The following NEURL4 variants were observed in gnomAD, a reference collection of about 807,000 sequenced individuals.
NEURL4 encodes the protein neuralized-like protein 4.
NEURL4 carries 45 observed loss-of-function variants against 148.0 expected under a neutral mutation model. The ratio of observed to expected loss-of-function variants is 0.30; its 90% CI spans 0.24 to 0.39. The LOEUF (loss-of-function observed/expected upper bound fraction) is 0.39, where lower values mean the gene tolerates loss of function less well. Among genes scored for constraint, NEURL4 ranks in the 10% least tolerant of loss-of-function variants. NEURL4 has a pLI of 1.00. For synonymous variants in NEURL4, 854 were observed against 869.0 expected (o/e 0.98, Z 0.30); for missense variants, 1,776 against 2,144.0 (o/e 0.83, Z 3.39).
rs1163586265 is a variant in NEURL4 at position 7,329,228 on chromosome 17, C to T, written c.85G>A (p.Gly29Ser). The T allele has an allele frequency of 6.6e-7, 1 of 1,520,674 alleles. No individual in the cohort carries two copies. Among genetic ancestry groups the T allele is most frequent in the African/African-American group, 1.4e-5 (1 of 70,634 alleles). The allele number at this position is 1,520,674 out of a possible 1,614,324, so 94.2% of individuals were successfully genotyped here. ...PGGGGGPSGS[G>S]SGPGSNGGLG... ...CCCCCGTTGGACCCCGGTCCTGAGC[C>T]GCTCCCGCTGGGGCCCCCACCCCCG... Residue 29 changes from glycine (G) to serine (S), a missense_variant, in exon 1 of 29, where the codon GGC becomes AGC. Coordinates refer to ENST00000399464, the MANE Select transcript of NEURL4 (RefSeq NM_032442.3).
Position 7,317,535 on chromosome 17 carries a change from T to G in NEURL4, c.4244A>C (p.Lys1415Thr), listed in dbSNP as rs1342416227. 2 of 1,614,180 alleles carry G rather than the reference T, an allele frequency of 1.2e-6. No homozygotes were observed. Among genetic ancestry groups the G allele is most frequent in the South Asian group, 2.2e-5 (2 of 91,086 alleles). Residue 1415 changes from lysine to threonine, a missense_variant, in exon 27 of 29, where the codon AAG (lysine) becomes ACG (threonine). By Grantham distance (78) the Lys-to-Thr change is moderately conservative (BLOSUM62 -1). Transcript: ENST00000399464. ...PRLEAGTLTKKWHMAYHGSNV... is the reference protein window; with the variant it reads ...PRLEAGTLTKTWHMAYHGSNV... ...GCTCCCGTGATATGCCATGTGCCACTTCTTGGTTAGTGTCCCAGCCTCCAG... is the reference window on the plus strand; with the variant it reads ...GCTCCCGTGATATGCCATGTGCCACGTCTTGGTTAGTGTCCCAGCCTCCAG...
Position 7,326,900 on chromosome 17 carries a change from C to T in NEURL4, c.903G>A (p.Leu301=). 2 of 1,614,054 alleles carry T rather than the reference C, an allele frequency of 1.2e-6. No homozygotes were observed. The highest frequency in any genetic ancestry group is 8.5e-7 in the Non-Finnish European group (1 of 1,180,016). The change falls in exon 4 of 29, where the codon CTG becomes CTA. Residue 301 remains leucine, a synonymous_variant. Coordinates refer to ENST00000399464, the MANE Select transcript of NEURL4 (RefSeq NM_032442.3). This position sits in a 1 kb window ranked among gnomAD's most constrained non-coding sequence, Gnocchi z 6.0. The part of the protein sequence containing the change: ...NLSSPPAGEG[L]GSSGAATSPI... ...GCGAGGTGGCAGCACCGCTAGATCC[C>T]AGGCCTTCCCCTGCCGGTGGGGAGC...
Position 7,326,911 on chromosome 17 carries a change from C to T in NEURL4, c.892G>A (p.Gly298Arg), listed in dbSNP as rs2143013477. The change falls in exon 4 of 29, where the codon GGG (glycine) becomes AGG (arginine). Residue 298 changes from glycine to arginine, a missense_variant. Physicochemically the swap from Gly to Arg is moderately radical, Grantham distance 125 (BLOSUM62 -2). Transcript: ENST00000399464. The surrounding 1 kb of genome is among the most constrained non-coding windows in gnomAD (Gnocchi z 6.0). ...LNVNLSSPPA[G>R]EGLGSSGAAT... is the part of the protein sequence containing the mutation. ...GCACCGCTAGATCCCAGGCCTTCCCCTGCCGGTGGGGAGCTCAGGTTCACA... is the reference window on the plus strand; with the variant it reads ...GCACCGCTAGATCCCAGGCCTTCCCTTGCCGGTGGGGAGCTCAGGTTCACA... The T allele has an allele frequency of 2.5e-6, 4 of 1,614,000 alleles. No homozygotes were observed. Among genetic ancestry groups the T allele is most frequent in the South Asian group, 2.2e-5 (2 of 91,082 alleles).
In NEURL4 at chr17:7,329,234, C is replaced by T. The variant is rs922303902; in HGVS notation, c.79G>A (p.Gly27Arg). 4.0e-6 allele frequency: 6 copies of T among 1,511,530 alleles called. No individual in the cohort carries two copies. The South Asian group carries it at 7.5e-5, about 19-fold the overall frequency. The allele number at this position is 1,511,530 out of a possible 1,614,324, so 93.6% of individuals were successfully genotyped here. The change falls in exon 1 of 29, where the codon GGG becomes AGG. Residue 27 changes from glycine (G) to arginine (R), a missense_variant. Physicochemically the swap from Gly to Arg is moderately radical, Grantham distance 125. Coordinates refer to ENST00000399464, the MANE Select transcript of NEURL4 (RefSeq NM_032442.3). ...PGPGGGGGPS[G>R]SGSGPGSNGG... ...TTGGACCCCGGTCCTGAGCCGCTCC[C>T]GCTGGGGCCCCCACCCCCGCCCGGC...
Position 7,321,174 on chromosome 17 carries a change from G to T in NEURL4, c.3298C>A (p.Pro1100Thr), listed in dbSNP as rs749935240. Residue 1100 changes from proline to threonine, a missense_variant, in exon 20 of 29, where the codon CCC becomes ACC. Physicochemically the swap from Pro to Thr is conservative, Grantham distance 38. Coordinates refer to ENST00000399464, the MANE Select transcript of NEURL4 (RefSeq NM_032442.3). This position sits in a 1 kb window ranked among gnomAD's most constrained non-coding sequence, Gnocchi z 6.3. ...CCCTCACTGCCGGTGTCTGAACTGGGGGAAGGAGGCTGGGTGCCTTCTGAC... is the reference window on the plus strand; with the variant it reads ...CCCTCACTGCCGGTGTCTGAACTGGTGGAAGGAGGCTGGGTGCCTTCTGAC... ...EESEGTQPPSPSSDTGSEGEE... is the reference protein window; with the variant it reads ...EESEGTQPPSTSSDTGSEGEE... The T allele has an allele frequency of 4.3e-6, 7 of 1,613,990 alleles. No individual in the cohort carries two copies. Among genetic ancestry groups the T allele is most frequent in the Non-Finnish European group, 5.9e-6 (7 of 1,180,034 alleles).
Position 7,322,222 on chromosome 17 carries a change from G to C in NEURL4, c.2726-212C>G, listed in dbSNP as rs1431499025. Among the ~76,000 whole-genome samples the C allele has an allele frequency of 6.6e-6, 1 of 152,122 alleles. No homozygotes were observed. Among genetic ancestry groups the C allele is most frequent in the Admixed American group, 6.5e-5 (1 of 15,278 alleles). On this transcript the variant is annotated intron_variant, in intron 16 of 28. Transcript: ENST00000399464. This position sits in a 1 kb window ranked among gnomAD's most constrained non-coding sequence, Gnocchi z 5.5. ...ACTCAGGCTGGAGTGCAGGGGCACA[G>C]TCGTGGCTCACTGCAGCCTCGACTT... is the stretch of plus-strand genomic sequence containing the variant.
At chr17:7,320,978 A>C in intron 20 of NEURL4, 55 bp from the exon 21 acceptor site, 1 of 1,604,466 alleles carries the variant, frequency 6.2e-7, no homozygotes, top group Non-Finnish European at 8.5e-7. Context: ...GGACTGACCC[A>C]CCCCACTGGA....
At position 7,318,654 on chromosome 17, in the gene NEURL4, G is replaced by C; in HGVS notation, c.3705C>G (p.Pro1235=). The change falls in exon 23 of 29, where the codon CCC becomes CCG. Residue 1235 remains proline, a synonymous_variant. Coordinates refer to ENST00000399464, the MANE Select transcript of NEURL4 (RefSeq NM_032442.3). This position sits in a 1 kb window ranked among gnomAD's most constrained non-coding sequence, Gnocchi z 4.3. ...TGCCTTCAGGGCACGTGTCCAGATT[G>C]GGCCCAAACTTCTCGCAGATCTGGG... The part of the protein sequence containing the change: ...NGLKICEKFG[P]NLDTCPEGTI... The C allele has an allele frequency of 1.9e-6, 3 of 1,609,940 alleles. No individual in the cohort carries two copies. In the East Asian group the frequency reaches 6.7e-5, roughly 36 times the overall value.
In NEURL4 at chr17:7,319,096, G is replaced by T; in HGVS notation, c.3638C>A (p.Ala1213Glu). 1.2e-6 allele frequency: 2 copies of T among 1,614,032 alleles called. No individual in the cohort carries two copies. The highest frequency in any genetic ancestry group is 1.7e-6 in the Non-Finnish European group (2 of 1,179,990). Residue 1213 changes from alanine to glutamate, a missense_variant, in exon 22 of 29, where the codon GCA becomes GAA. Transcript: ENST00000399464. ...CCCACGGCCCCGCAGCAGCCAGGCTGCCCGTTTGAGGGCACAGGCAGAAGC... is the reference window on the plus strand; with the variant it reads ...CCCACGGCCCCGCAGCAGCCAGGCTTCCCGTTTGAGGGCACAGGCAGAAGC... ...FPASACALKRAAWLLRGRGVF... is the reference protein window; with the variant it reads ...FPASACALKREAWLLRGRGVF...
chr17:7,322,939 C>T lies in NEURL4; in HGVS notation c.2593+9G>A. On this transcript the variant is annotated intron_variant, in intron 15 of 28. Coordinates refer to ENST00000399464, the MANE Select transcript of NEURL4 (RefSeq NM_032442.3). The surrounding 1 kb of genome is among the most constrained non-coding windows in gnomAD (Gnocchi z 5.5). ...GCTGAGGGTGGCAGGCTGAAAGCCA[C>T]ATAGTCACCTTTACCCGGAGGCAGG... 6.2e-7 allele frequency: 1 copy of T among 1,612,638 alleles called. No homozygotes were observed. Among genetic ancestry groups the T allele is most frequent in the Non-Finnish European group, 8.5e-7 (1 of 1,178,920 alleles).
In NEURL4 at chr17:7,318,302, G is replaced by C; in HGVS notation, c.3919C>G (p.Gln1307Glu). ...GAASGKSAGT[Q>E]GDMEKADMVD... ...ATGTCTGCTTTCTCCATGTCCCCTT[G>C]GGTTCCAGCACTTTTCCCACTGGCA... The change falls in exon 24 of 29, where the codon CAA becomes GAA. Residue 1307 changes from glutamine to glutamate, a missense_variant. By Grantham distance (29) the Gln-to-Glu change is conservative. Transcript: ENST00000399464. This position sits in a 1 kb window ranked among gnomAD's most constrained non-coding sequence, Gnocchi z 4.3. 6.2e-7 allele frequency: 1 copy of C among 1,614,124 alleles called. No individual in the cohort carries two copies. The highest frequency in any genetic ancestry group is 1.3e-5 in the African/African-American group (1 of 75,010).
At chr17:7,320,700 G>C in intron 21 of NEURL4, 59 bp downstream of exon 21, 2 of 1,510,826 alleles carry the variant, frequency 1.3e-6, no homozygotes, top group Non-Finnish European at 1.8e-6. Context: ...TTTTTCAGGG[G>C]GGTTGGCCAT....
chr17:7,319,546 C>CA, intron 21 of NEURL4, among the ~76,000 whole-genome samples: 1 of 151,072 alleles, frequency 6.6e-6, no homozygotes, highest in East Asian at 2.0e-4. Flanking sequence ...ACTAAAAATA[C>CA]AAAATTAGCC....
In NEURL4 at chr17:7,329,175, C is replaced by T. The variant is rs2073141726; in HGVS notation, c.138G>A (p.Pro46=). Reference sequence around the variant, plus strand: ...ACAGGCTCACCAAGCGCCCAGTGCGCGGGTGCAGTTCCCCGCCGCTGCCCA... The same window carrying T: ...ACAGGCTCACCAAGCGCCCAGTGCGTGGGTGCAGTTCCCCGCCGCTGCCCA... The part of the protein sequence containing the change: ...GGLGSGGELH[P]RTGRLVSLSA... Residue 46 remains proline (P), a synonymous_variant, in exon 1 of 29, where the codon CCG becomes CCA. Coordinates refer to ENST00000399464, the MANE Select transcript of NEURL4 (RefSeq NM_032442.3). 3 of 1,594,966 alleles carry T rather than the reference C, an allele frequency of 1.9e-6. No individual in the cohort carries two copies. The highest frequency in any genetic ancestry group is 2.6e-6 in the Non-Finnish European group (3 of 1,172,938).
Position 7,326,482 on chromosome 17 carries a change from G to C in NEURL4, c.1159C>G (p.Pro387Ala). ...GTGGCTGGGTACTCCAAACTGTTGG[G>C]GTTGTGGGTGGTGACCCCAATCTCA... ...SIEIGVTTHNPNSLEYPATMT... is the reference protein window; with the variant it reads ...SIEIGVTTHNANSLEYPATMT... Residue 387 changes from proline to alanine, a missense_variant, in exon 5 of 29, where the codon CCC (proline) becomes GCC (alanine). By Grantham distance (27) the Pro-to-Ala change is conservative. Transcript: ENST00000399464. The surrounding 1 kb of genome is among the most constrained non-coding windows in gnomAD (Gnocchi z 6.0). 6.2e-7 allele frequency: 1 copy of C among 1,614,152 alleles called. No homozygotes were observed. The highest frequency in any genetic ancestry group is 8.5e-7 in the Non-Finnish European group (1 of 1,180,024).
chr17:7,322,849 C>A lies in NEURL4; in HGVS notation c.2611G>T (p.Asp871Tyr). Reference protein sequence around the residue: ...PPGKEVYAVVDLYGQCVQVSI... With the variant: ...PPGKEVYAVVYLYGQCVQVSI... ...ACTTGGACACACTGGCCATAGAGAT[C>A]GACTACCGCATACACCTCTGGGGAG... Residue 871 changes from aspartate to tyrosine, a missense_variant, in exon 16 of 29, where the codon GAT becomes TAT. Asp to Tyr is a radical substitution (Grantham distance 160). Coordinates refer to ENST00000399464, the MANE Select transcript of NEURL4 (RefSeq NM_032442.3). This position sits in a 1 kb window ranked among gnomAD's most constrained non-coding sequence, Gnocchi z 5.5. 6.2e-7 allele frequency: 1 copy of A among 1,613,878 alleles called. No individual in the cohort carries two copies. Among genetic ancestry groups the A allele is most frequent in the Non-Finnish European group, 8.5e-7 (1 of 1,179,894 alleles).
rs962509997 is a variant in NEURL4 at position 7,327,861 on chromosome 17, A to G, written c.306T>C (p.Ile102=). The G allele has an allele frequency of 1.2e-6, 2 of 1,611,364 alleles. No individual in the cohort carries two copies. The highest frequency in any genetic ancestry group is 1.3e-5 in the African/African-American group (1 of 74,788). ...GGTCCAGCGCTGTCACCCCAATCTC[A>G]ATGGAGCCGCTCCAGGAGTTGACCT... ...DRKVNSWSGS[I]EIGVTALDPS... The change falls in exon 2 of 29, where the codon ATT becomes ATC. Residue 102 remains isoleucine, a synonymous_variant. Transcript: ENST00000399464. This position sits in a 1 kb window ranked among gnomAD's most constrained non-coding sequence, Gnocchi z 6.6.
chr17:7,327,484 G>C lies in NEURL4; in HGVS notation c.683C>G (p.Thr228Ser), dbSNP rs371972911. Residue 228 changes from threonine to serine, a missense_variant, in exon 2 of 29, where the codon ACT (threonine) becomes AGT (serine). Physicochemically the swap from Thr to Ser is moderately conservative, Grantham distance 58 (BLOSUM62 1). Transcript: ENST00000399464. This position sits in a 1 kb window ranked among gnomAD's most constrained non-coding sequence, Gnocchi z 6.6. ...CTGTTCAGCCAAGGCAGAGTCTTCA[G>C]TGGGGGCCAAGGGCTCGAGGGGAGG... is the stretch of plus-strand genomic sequence containing the variant. ...PTPPLEPLAP[T>S]EDSALAEQGT... The C allele has an allele frequency of 3.8e-6, 6 of 1,579,142 alleles. No homozygotes were observed. Among genetic ancestry groups the C allele is most frequent in the Non-Finnish European group, 5.2e-6 (6 of 1,160,246 alleles).
In NEURL4 at chr17:7,329,256, C is replaced by T; in HGVS notation, c.57G>A (p.Pro19=). Residue 19 remains proline, a synonymous_variant, in exon 1 of 29, where the codon CCG becomes CCA. Transcript: ENST00000399464. ...TCCCGCTGGGGCCCCCACCCCCGCC[C>T]GGCCCCGGTCCAGGGCCTCCCCCAG... ...GGSGGGPGPG[P]GGGGGPSGSG... 1 of 1,405,938 alleles carries T rather than the reference C, an allele frequency of 7.1e-7. No individual in the cohort carries two copies. The highest frequency in any genetic ancestry group is 9.5e-7 in the Non-Finnish European group (1 of 1,055,418). The allele number at this position is 1,405,938 out of a possible 1,614,324, so 87.1% of individuals were successfully genotyped here. A position where few individuals can be genotyped will look rare whatever the true frequency, so the allele number is the denominator to read the frequency against.
Sources: gnomAD v4.1 joint callset for allele counts (sites outside exome capture counted in the v4.1 genomes callset) on GRCh38, gnomAD v4.1.1 for gene constraint, Gnocchi (gnomAD v3.1) non-coding constraint, MANE v1.5 for transcripts, NCBI Gene and HGNC (gene_info 2026-07-23, HGNC 2026-07-21) for gene names.